The following CCDC92 variants were observed in gnomAD, a reference collection of about 807,000 sequenced individuals.
The protein encoded by CCDC92 is coiled-coil domain containing 92, also known as coiled-coil domain-containing protein 92.
A neutral mutation model predicts 24.9 loss-of-function variants in CCDC92; 12 were observed. The ratio of observed to expected loss-of-function variants is 0.48; its 90% CI spans 0.31 to 0.78. The LOEUF (loss-of-function observed/expected upper bound fraction) is 0.78. Among genes scored for constraint, CCDC92 ranks in the 30% least tolerant of loss-of-function variants. The pLI, the probability that CCDC92 is intolerant of heterozygous loss-of-function variation, is 0.05. For synonymous variants in CCDC92, 193 were observed against 196.3 expected, an observed-to-expected ratio of 0.98 and a Z score of 0.14; for missense variants, 399 against 439.4, an observed-to-expected ratio of 0.91 and a Z score of 0.82.
chr12:123,942,855 C>T, intron 3 of CCDC92, 70 bp from the exon 4 acceptor site: 1 of 1,271,330 alleles, frequency 7.9e-7, no homozygotes, highest in Non-Finnish European at 1.2e-6. Flanking sequence ...TTTGAAAATG[C>T]AAAACCGATT....
chr12:123,948,765 A>G (rs567487375), intron 1 of CCDC92, among the ~76,000 whole-genome samples: 1 of 152,352 alleles, frequency 6.6e-6, no homozygotes, highest in East Asian at 1.9e-4. Context: ...ACATCTCCAA[A>G]TGGCATCCAG....
chr12:123,954,869 C>T (rs1383074940), intron 1 of CCDC92, among the ~76,000 whole-genome samples: 1 of 152,248 alleles, frequency 6.6e-6, no homozygotes, highest in Non-Finnish European at 1.5e-5. Context: ...GAGGAGGGAG[C>T]ACCAGCATTC....
rs1956591291 is a variant in CCDC92 at position 123,972,701 on chromosome 12, C to T, written c.-232G>A. On this transcript the variant is annotated 5_prime_UTR_variant, in exon 1 of 5. Transcript: ENST00000238156. ...CGCCGAGGGAGGTCAGTGGGCACCG[C>T]CCGCCCGGCGCATCTCGCCCGCTCC... The T allele has an allele frequency of 6.8e-6, 1 of 147,440 alleles. No individual in the cohort carries two copies. Among genetic ancestry groups the T allele is most frequent in the South Asian group, 2.1e-4 (1 of 4,822 alleles). The allele number at this position is 147,440 out of a possible 1,614,324, so 9.1% of individuals were successfully genotyped here.
intron 1 of CCDC92, among the ~76,000 whole-genome samples, chr12:123,960,359 ATAAAAAGAG>A (rs1455939438): frequency 5.3e-5 from 8 of 152,230 alleles, no homozygotes; most frequent in African/African-American, 1.9e-4. Context: ...AAGCTCGCAA[ATAAAAAGAG>A]TAAAAAATTA....
At chr12:123,961,691 A>G (rs2138143208) in intron 1 of CCDC92, among the ~76,000 whole-genome samples, 1 of 152,378 alleles carries the variant, frequency 6.6e-6, no homozygotes, top group South Asian at 2.1e-4. Flanking sequence ...TGCAGTAGCG[A>G]CACAGCCTTT....
chr12:123,971,746 T>C (rs985092192), intron 1 of CCDC92: 1 of 152,328 alleles, frequency 6.6e-6, no homozygotes, highest in African/African-American at 2.4e-5. Flanking sequence ...TCACTCGCCG[T>C]AGCAGACGGC....
chr12:123,970,217 T>G (rs919638728), intron 1 of CCDC92: 2 of 152,216 alleles, frequency 1.3e-5, no homozygotes, highest in African/African-American at 4.8e-5. Context: ...TCGAATATAG[T>G]TGCCATCGGA....
chr12:123,956,142 CATTTA>C (rs1956144921), intron 1 of CCDC92: 2 of 152,192 alleles, frequency 1.3e-5, no homozygotes, highest in Non-Finnish European at 2.9e-5. Context: ...CATGACCAGG[CATTTA>C]ATTTTAGTAC....
intron 1 of CCDC92, among the ~76,000 whole-genome samples, chr12:123,961,820 C>T (rs532582793): frequency 5.9e-5 from 9 of 152,274 alleles, no homozygotes; most frequent in African/African-American, 1.9e-4. Context: ...TCAGTTCACA[C>T]GTTGGCAAAT....
chr12:123,937,330 C>T lies in CCDC92; in HGVS notation c.724G>A (p.Asp242Asn), dbSNP rs781534968. 5 of 1,613,778 alleles carry T rather than the reference C, an allele frequency of 3.1e-6. No individual in the cohort carries two copies. The highest frequency in any genetic ancestry group is 1.7e-5 in the Admixed American group (1 of 60,010). Residue 242 changes from aspartate (D) to asparagine (N), a missense_variant, in exon 5 of 5, where the codon GAC becomes AAC. Asp to Asn is a conservative substitution (Grantham distance 23, BLOSUM62 1). Coordinates refer to ENST00000238156, the MANE Select transcript of CCDC92 (RefSeq NM_025140.3). The surrounding 1 kb of genome is among the most constrained non-coding windows in gnomAD (Gnocchi z 8.4). ...CTAGCCAGCAGAAATGGGGTGGGGT[C>T]GGGCATAGCATCCACTGGTTCCCGC... Reference protein sequence around the residue: ...LLREPVDAMPDPTPFLLARES... With the variant: ...LLREPVDAMPNPTPFLLARES...
intron 1 of CCDC92, among the ~76,000 whole-genome samples, chr12:123,972,309 G>A (rs1956573657): frequency 6.6e-6 from 1 of 152,056 alleles, no homozygotes; most frequent in Non-Finnish European, 1.5e-5. Flanking sequence ...GCCTTCGCCC[G>A]GGGCCACCCC....
intron 1 of CCDC92, among the ~76,000 whole-genome samples, chr12:123,952,912 G>C (rs1956061266): frequency 6.6e-6 from 1 of 152,156 alleles, no homozygotes. Context: ...CTTAGCACAA[G>C]AGTCAGAATC....
At chr12:123,939,936 G>A (rs1384421860) in intron 4 of CCDC92, among the ~76,000 whole-genome samples, 2 of 152,248 alleles carry the variant, frequency 1.3e-5, no homozygotes, top group African/African-American at 2.4e-5. Context: ...CTGTCGCAGG[G>A]CCTTTGCTTT....
At chr12:123,966,917 C>G (rs1262761517) in intron 1 of CCDC92, among the ~76,000 whole-genome samples, 1 of 152,164 alleles carries the variant, frequency 6.6e-6, no homozygotes, top group African/African-American at 2.4e-5. Flanking sequence ...AGCTGTCAAC[C>G]TATCTCCAAG....
At chr12:123,969,967 TAA>T (rs367586761) in intron 1 of CCDC92, 25 of 152,282 alleles carry the variant, frequency 1.6e-4, no homozygotes, top group African/African-American at 5.1e-4. Context: ...CATGTATAAT[TAA>T]AAAGAGTCTT....
chr12:123,941,236 C>T (rs1436049476), intron 4 of CCDC92, among the ~76,000 whole-genome samples: 1 of 152,184 alleles, frequency 6.6e-6, no homozygotes, highest in Non-Finnish European at 1.5e-5. Context: ...AAATCCTGTT[C>T]CTCTGCATTC....
intron 1 of CCDC92, among the ~76,000 whole-genome samples, chr12:123,967,376 A>C (rs1251427473): frequency 1.3e-5 from 2 of 152,186 alleles, no homozygotes; most frequent in Non-Finnish European, 2.9e-5. Flanking sequence ...ACTGAGCGAA[A>C]AACTCCAACC....
intron 1 of CCDC92, among the ~76,000 whole-genome samples, chr12:123,953,238 T>C (rs920542614): frequency 6.3e-5 from 8 of 126,744 alleles, no homozygotes; most frequent in African/African-American, 1.9e-4. Flanking sequence ...AAAACTCCAG[T>C]AGCAACCAAA....
rs1485275084 is a variant in CCDC92 at position 123,936,607 on chromosome 12, A to ATCCT, written c.*450_*451insAGGA. 5 of 181,430 alleles carry ATCCT rather than the reference A, an allele frequency of 2.8e-5. No individual in the cohort carries two copies. Among genetic ancestry groups the ATCCT allele is most frequent in the Non-Finnish European group, 5.8e-5 (5 of 86,026 alleles). The allele number at this position is 181,430 out of a possible 1,614,324, so 11.2% of individuals were successfully genotyped here. A position where few individuals can be genotyped will look rare whatever the true frequency, so the allele number is the denominator to read the frequency against. The stretch of plus-strand genomic sequence containing the variant: ...TCAGGAGGTGACAGGGGTCTCCAGG[A>ATCCT]GGAGCTCGGGAGGTGACAAGGGTCT... On this transcript the variant is annotated 3_prime_UTR_variant, in exon 5 of 5. Transcript: ENST00000238156.
Sources: gnomAD v4.1 joint callset for allele counts (sites outside exome capture counted in the v4.1 genomes callset) on GRCh38, gnomAD v4.1.1 for gene constraint, Gnocchi (gnomAD v3.1) non-coding constraint, MANE v1.5 for transcripts, NCBI Gene and HGNC (gene_info 2026-07-23, HGNC 2026-07-21) for gene names.